The following NAV3 variants were observed in gnomAD, a reference collection of about 807,000 sequenced individuals.
The protein encoded by NAV3 is pore membrane and/or filament interacting like protein 1.
Under a neutral mutation model 244.7 loss-of-function variants are expected in NAV3, and 87 were observed. That is an observed-to-expected ratio of 0.36 (90% CI 0.30 to 0.42). The LOEUF (loss-of-function observed/expected upper bound fraction) is 0.42, where lower values mean the gene tolerates loss of function less well. Among genes scored for constraint, NAV3 ranks in the 20% least tolerant of loss-of-function variants. The probability of loss-of-function intolerance (pLI) is 1.00; values close to 1 mark genes in which losing one functional copy is unlikely to be tolerated. For synonymous variants in NAV3, 1,126 were observed against 1,042.2 expected, an observed-to-expected ratio of 1.08 and a Z score of -1.55; for missense variants, 2,663 against 2,893.3, an observed-to-expected ratio of 0.92 and a Z score of 1.83.
At chr12:78,071,792 G>A (rs887558052) in intron 12 of NAV3, among the ~76,000 whole-genome samples, 1 of 151,826 alleles carries the variant, frequency 6.6e-6, no homozygotes, top group Non-Finnish European at 1.5e-5. Flanking sequence ...GTAGATATGC[G>A]GCCCTCAGCA....
intron 2 of NAV3, among the ~76,000 whole-genome samples, chr12:77,728,173 C>T (rs1876964441): frequency 1.3e-5 from 2 of 151,920 alleles, no homozygotes; most frequent in Non-Finnish European, 2.9e-5. Flanking sequence ...CTTAAATCCC[C>T]AGCTCACTCC....
chr12:78,187,174 T>C (rs1002882687), intron 31 of NAV3, among the ~76,000 whole-genome samples: 21 of 151,940 alleles, frequency 1.4e-4, no homozygotes, highest in Non-Finnish European at 3.1e-4. Flanking sequence ...AGGTATTAGA[T>C]TCTAACTCAG....
chr12:77,737,870 G>T (rs905486734), intron 2 of NAV3, among the ~76,000 whole-genome samples: 6 of 152,094 alleles, frequency 3.9e-5, no homozygotes, highest in Non-Finnish European at 7.4e-5. Context: ...TCCTGGAGTG[G>T]TTCAAACATG....
intron 24 of NAV3, among the ~76,000 whole-genome samples, chr12:78,172,780 G>A (rs1346854594): frequency 6.6e-6 from 1 of 151,570 alleles, no homozygotes; most frequent in Admixed American, 6.6e-5. Flanking sequence ...CACGGTTGAT[G>A]AGTTAAGAAC....
At chr12:77,960,992 T>TACACGC (rs1413798443) in intron 3 of NAV3, among the ~76,000 whole-genome samples, 1 of 146,146 alleles carries the variant, frequency 6.8e-6, no homozygotes, top group Non-Finnish European at 1.5e-5. Flanking sequence ...ATGTTACATG[T>TACACGC]ATACGCATAT....
chr12:78,012,220 C>A (rs947096030), intron 8 of NAV3, among the ~76,000 whole-genome samples: 1 of 152,102 alleles, frequency 6.6e-6, no homozygotes, highest in Non-Finnish European at 1.5e-5. Flanking sequence ...CTGAAACATA[C>A]CCTCAATCAG....
intron 2 of NAV3, among the ~76,000 whole-genome samples, chr12:77,748,313 G>A (rs1039833971): frequency 6.6e-6 from 1 of 152,120 alleles, no homozygotes; most frequent in African/African-American, 2.4e-5. Context: ...CATTGTGCAT[G>A]TTCCATCTGT....
intron 2 of NAV3, among the ~76,000 whole-genome samples, chr12:77,647,067 TACAC>T (rs3046395): frequency 2.7e-5 from 4 of 149,676 alleles, no homozygotes; most frequent in South Asian, 2.1e-4. Context: ...CATATATATA[TACAC>T]ACACACACAC....
chr12:77,678,372 A>T (rs1010829486), intron 2 of NAV3, among the ~76,000 whole-genome samples: 8 of 152,196 alleles, frequency 5.3e-5, no homozygotes, highest in Non-Finnish European at 1.5e-5. Context: ...AACGTTTACT[A>T]ACGTATTTTA....
At chr12:77,810,575 G>C (rs1218413363) in intron 2 of NAV3, among the ~76,000 whole-genome samples, 1 of 152,040 alleles carries the variant, frequency 6.6e-6, no homozygotes, top group Non-Finnish European at 1.5e-5. Context: ...ATAACTTTTA[G>C]AATCAAAAAA....
intron 2 of NAV3, among the ~76,000 whole-genome samples, chr12:77,625,025 A>G (rs984728694): frequency 4.8e-4 from 73 of 152,236 alleles, no homozygotes; most frequent in Non-Finnish European, 7.3e-5. Flanking sequence ...TTACCTGTGT[A>G]ACAAAGCACA....
intron 4 of NAV3, among the ~76,000 whole-genome samples, chr12:77,967,254 G>C (rs1302447025): frequency 1.3e-5 from 2 of 151,890 alleles, no homozygotes; most frequent in African/African-American, 2.4e-5. Flanking sequence ...ATACATGAAT[G>C]CTCAAAATTT....
chr12:78,129,986 A>C (rs956889549), intron 18 of NAV3, among the ~76,000 whole-genome samples: 1 of 152,202 alleles, frequency 6.6e-6, no homozygotes, highest in African/African-American at 2.4e-5. Context: ...AACTTCTCTT[A>C]GATTTTTGAA....
intron 18 of NAV3, among the ~76,000 whole-genome samples, chr12:78,136,313 C>T (rs1956372262): frequency 6.6e-6 from 1 of 152,180 alleles, no homozygotes; most frequent in African/African-American, 2.4e-5. Context: ...ATATCTTTCT[C>T]AATTTTTCTG....
chr12:77,655,935 C>T (rs1489314016), intron 2 of NAV3, among the ~76,000 whole-genome samples: 3 of 143,300 alleles, frequency 2.1e-5, no homozygotes, highest in South Asian at 4.3e-4. Flanking sequence ...CCAGGCCTGC[C>T]CTAAAAGAGC....
intron 2 of NAV3, among the ~76,000 whole-genome samples, chr12:77,682,693 A>C (rs940113180): frequency 6.6e-6 from 1 of 152,174 alleles, no homozygotes; most frequent in Non-Finnish European, 1.5e-5. Context: ...GATAATAGTC[A>C]TTCTAATAGT....
At chr12:78,164,349 C>T (rs1426191796) in intron 23 of NAV3, among the ~76,000 whole-genome samples, 1 of 151,936 alleles carries the variant, frequency 6.6e-6, no homozygotes, top group East Asian at 1.9e-4. Flanking sequence ...TAGTAGTTTG[C>T]TCATTTGTTA....
chr12:77,790,328 T>A (rs1871127384), intron 2 of NAV3, among the ~76,000 whole-genome samples: 2 of 152,208 alleles, frequency 1.3e-5, no homozygotes, highest in Admixed American at 1.3e-4. Flanking sequence ...GCTCTTTAGG[T>A]GGTACTCAGT....
chr12:78,160,845 TCCTC>T (rs992388781), intron 23 of NAV3, among the ~76,000 whole-genome samples: 5 of 151,576 alleles, frequency 3.3e-5, no homozygotes, highest in Non-Finnish European at 4.4e-5. Context: ...TTCCTTTCTT[TCCTC>T]CCTCCCTCCC....
Sources: allele counts gnomAD v4.1 joint callset (sites outside exome capture counted in the v4.1 genomes callset), GRCh38; gene constraint gnomAD v4.1.1; transcripts MANE v1.5; gene names NCBI Gene and HGNC (gene_info 2026-07-23, HGNC 2026-07-21).